ZNF565: variants seen among roughly 807,000 people sequenced by gnomAD.
ZNF565 encodes the protein zinc finger protein 565.
ZNF565 carries 27 observed loss-of-function variants against 39.4 expected under a neutral mutation model. The ratio of observed to expected loss-of-function variants is 0.69; its 90% CI spans 0.51 to 0.95. The LOEUF is 0.95. Among genes scored for constraint, ZNF565 ranks in the 40% least tolerant of loss-of-function variants. ZNF565 has a pLI of 0.00. For missense variants in ZNF565, 524 were observed against 621.1 expected (o/e 0.84, Z 1.66); for synonymous variants, 185 against 216.6 (o/e 0.85, Z 1.28).
chr19:36,201,923 T>G, intron 2 of ZNF565, 54 bp downstream of exon 2: 6 of 1,603,292 alleles, frequency 3.7e-6, no homozygotes, highest in Non-Finnish European at 4.3e-6. Context: ...ACAGTGTCCA[T>G]ATAATCTGGC....
At chr19:36,216,274 TAACAAATGTG>T (rs566912606), upstream of ZNF565, among the ~76,000 whole-genome samples, 4 of 152,256 alleles carry the variant, frequency 2.6e-5, no homozygotes, top group South Asian at 4.1e-4. Context: ...CTAAGGGGCA[TAACAAATGTG>T]AACAAATAAA....
At chr19:36,189,639 T>A (rs909326130) in intron 4 of ZNF565, among the ~76,000 whole-genome samples, 2 of 152,006 alleles carry the variant, frequency 1.3e-5, no homozygotes, top group Admixed American at 6.6e-5. Flanking sequence ...TAATGTATAT[T>A]TTATCACAAT....
chr19:36,185,716 ATT>A (rs201279241), intron 4 of ZNF565, among the ~76,000 whole-genome samples: 7 of 125,100 alleles, frequency 5.6e-5, no homozygotes, highest in Admixed American at 8.4e-5. Context: ...CTCACTCTCT[ATT>A]TTTTTTTTTT....
At chr19:36,235,375 C>T (rs1977608700) in intron 1 of ZNF565, among the ~76,000 whole-genome samples, 1 of 152,052 alleles carries the variant, frequency 6.6e-6, no homozygotes, top group Non-Finnish European at 1.5e-5. Flanking sequence ...GTACTTTCAG[C>T]TTTGTGGACC....
intron 1 of ZNF565, among the ~76,000 whole-genome samples, chr19:36,220,371 TATTTTA>T (rs560844017): frequency 0.09 from 12,860 of 143,196 alleles, 1,345 homozygotes; most frequent in Non-Finnish European, 0.14. Context: ...AATTTAATTT[TATTTTA>T]TTTTTGAGAC....
intron 1 of ZNF565, among the ~76,000 whole-genome samples, chr19:36,222,470 A>G (rs1486618328): frequency 6.6e-6 from 1 of 152,222 alleles, no homozygotes; most frequent in African/African-American, 2.4e-5. Flanking sequence ...GGCGCTGCCC[A>G]GTGGGTAAGT....
At chr19:36,195,708 C>T (rs374576175) in intron 2 of ZNF565, among the ~76,000 whole-genome samples, 1 of 142,750 alleles carries the variant, frequency 7.0e-6, no homozygotes, top group East Asian at 2.1e-4. Flanking sequence ...CTGTGCCCGG[C>T]TAATTTTTTG....
chr19:36,222,975 C>CCT (rs1348162827), intron 1 of ZNF565, among the ~76,000 whole-genome samples: 1 of 151,830 alleles, frequency 6.6e-6, no homozygotes, highest in East Asian at 1.9e-4. Flanking sequence ...ACACCAAAGA[C>CCT]CTTTTTATTC....
chr19:36,225,810 G>C (rs1599971231), intron 1 of ZNF565, among the ~76,000 whole-genome samples: 1 of 142,050 alleles, frequency 7.0e-6, no homozygotes, highest in East Asian at 2.1e-4. Flanking sequence ...ACCCAGGCTG[G>C]AGCACAGTGG....
At chr19:36,193,737 C>T (rs956621481) in intron 4 of ZNF565, among the ~76,000 whole-genome samples, 12 of 152,148 alleles carry the variant, frequency 7.9e-5, no homozygotes, top group Non-Finnish European at 1.3e-4. Flanking sequence ...CCACTGCGCC[C>T]GGCCAAAAAT....
intron 1 of ZNF565, among the ~76,000 whole-genome samples, chr19:36,205,582 A>G (rs1976122832): frequency 6.6e-6 from 1 of 152,170 alleles, no homozygotes; most frequent in African/African-American, 2.4e-5. Flanking sequence ...AATGGAAGGA[A>G]ACCTAAGAAT....
intron 1 of ZNF565, among the ~76,000 whole-genome samples, chr19:36,210,316 C>T (rs993246489): frequency 1.4e-5 from 2 of 146,360 alleles, no homozygotes; most frequent in Non-Finnish European, 3.0e-5. Flanking sequence ...CCCAGCTACT[C>T]GGGAGGCTGA....
intron 1 of ZNF565, chr19:36,236,544 A>T (rs1171366410): frequency 3.7e-6 from 6 of 1,614,226 alleles, no homozygotes; most frequent in Non-Finnish European, 5.1e-6. Context: ...ACTGAGCATG[A>T]GCATTTTCAC....
At chr19:36,224,196 A>G (rs991358694) in intron 1 of ZNF565, among the ~76,000 whole-genome samples, 12 of 152,172 alleles carry the variant, frequency 7.9e-5, no homozygotes, top group African/African-American at 2.9e-4. Context: ...AGCCTGGCCA[A>G]TATGGAGAAA....
intron 1 of ZNF565, 70 bp from the exon 2 acceptor site, chr19:36,202,120 A>C: frequency 1.2e-6 from 1 of 816,780 alleles, no homozygotes; most frequent in South Asian, 1.4e-5. Flanking sequence ...ACTCCCAAAT[A>C]GATGAGCTTA....
At chr19:36,224,567 GT>G (rs1190740461) in intron 1 of ZNF565, among the ~76,000 whole-genome samples, 2 of 152,252 alleles carry the variant, frequency 1.3e-5, no homozygotes, top group East Asian at 3.9e-4. Flanking sequence ...TTATCATTGT[GT>G]TTTACTTTGT....
chr19:36,221,521 C>G (rs1040330744), intron 1 of ZNF565, among the ~76,000 whole-genome samples: 3 of 152,046 alleles, frequency 2.0e-5, no homozygotes, highest in African/African-American at 7.2e-5. Context: ...ATCTCCTGAC[C>G]TCGTGATCCA....
At chr19:36,231,447 G>A (rs755699668) in intron 1 of ZNF565, among the ~76,000 whole-genome samples, 14 of 152,142 alleles carry the variant, frequency 9.2e-5, no homozygotes, top group Admixed American at 2.0e-4. Context: ...GACCTCAAGT[G>A]ATCTGCCCGC....
At chr19:36,192,004 A>G (rs1480844047) in intron 4 of ZNF565, among the ~76,000 whole-genome samples, 1 of 148,780 alleles carries the variant, frequency 6.7e-6, no homozygotes, top group Non-Finnish European at 1.5e-5. Context: ...AACAGCACCT[A>G]TCTTTTTTTT....
Sources: allele counts gnomAD v4.1 joint callset (sites outside exome capture counted in the v4.1 genomes callset), GRCh38; gene constraint gnomAD v4.1.1; transcripts MANE v1.5; gene names NCBI Gene and HGNC (gene_info 2026-07-23, HGNC 2026-07-21).